The following TRHDE variants were observed in gnomAD, a reference collection of about 807,000 sequenced individuals.
TRHDE encodes the protein thyrotropin releasing hormone degrading enzyme.
Under a neutral mutation model 125.7 loss-of-function variants are expected in TRHDE, and 72 were observed. That is an observed-to-expected ratio of 0.57 (90% CI 0.47 to 0.70). The LOEUF (loss-of-function observed/expected upper bound fraction) is 0.70, where lower values mean the gene tolerates loss of function less well. TRHDE is among the 30% of genes least tolerant of loss of function. The pLI, the probability that TRHDE is intolerant of heterozygous loss-of-function variation, is 0.00. For synonymous variants in TRHDE, 509 were observed against 509.1 expected, an observed-to-expected ratio of 1.00 and a Z score of 0.00; for missense variants, 1,110 against 1,327.1, an observed-to-expected ratio of 0.84 and a Z score of 2.54.
At chr12:72,421,361 T>G (rs182253006) in intron 3 of TRHDE, among the ~76,000 whole-genome samples, 77 of 152,252 alleles carry the variant, frequency 5.1e-4, no homozygotes, top group Middle Eastern at 6.8e-3. Context: ...CAGCAGGACT[T>G]GAAGCCTGAG....
chr12:72,350,716 T>G (rs1433793768), intron 2 of TRHDE, among the ~76,000 whole-genome samples: 1 of 152,032 alleles, frequency 6.6e-6, no homozygotes, highest in Non-Finnish European at 1.5e-5. Context: ...TACAGATATA[T>G]TCTAAAGATT....
At chr12:72,286,327 C>G (rs572688964) in intron 1 of TRHDE, among the ~76,000 whole-genome samples, 1 of 152,306 alleles carries the variant, frequency 6.6e-6, no homozygotes, top group East Asian at 1.9e-4. Context: ...TGTGCAGCTT[C>G]AGAGAAGAAA....
At chr12:72,509,359 G>A (rs565853393) in intron 6 of TRHDE, among the ~76,000 whole-genome samples, 7 of 151,558 alleles carry the variant, frequency 4.6e-5, no homozygotes, top group Non-Finnish European at 1.0e-4. Context: ...ATTCTCCCCA[G>A]GTACTTATAG....
intron 2 of TRHDE, among the ~76,000 whole-genome samples, chr12:72,216,596 T>A (rs1265974969): frequency 1.3e-5 from 2 of 152,136 alleles, no homozygotes; most frequent in African/African-American, 4.8e-5. Flanking sequence ...AATATGCACC[T>A]TAAAGAGAAA....
At chr12:72,326,988 T>C (rs1042233999) in intron 2 of TRHDE, among the ~76,000 whole-genome samples, 1 of 152,206 alleles carries the variant, frequency 6.6e-6, no homozygotes, top group Admixed American at 6.5e-5. Flanking sequence ...TCTTTGATTT[T>C]ATGATTCTAT....
chr12:72,604,344 G>T (rs1872340342), intron 12 of TRHDE, among the ~76,000 whole-genome samples: 1 of 152,044 alleles, frequency 6.6e-6, no homozygotes, highest in South Asian at 2.1e-4. Flanking sequence ...AGTCCTAGGG[G>T]ATGTGCCAGT....
chr12:72,451,095 T>C (rs1875548116), intron 3 of TRHDE, among the ~76,000 whole-genome samples: 1 of 152,202 alleles, frequency 6.6e-6, no homozygotes, highest in African/African-American at 2.4e-5. Flanking sequence ...GTTGATTGTT[T>C]CCTTTGCTGC....
intron 7 of TRHDE, among the ~76,000 whole-genome samples, chr12:72,561,005 A>G (rs1870150505): frequency 6.6e-6 from 1 of 152,168 alleles, no homozygotes; most frequent in African/African-American, 2.4e-5. Flanking sequence ...TTCAAAGCCA[A>G]ATTAGGATTC....
intron 1 of TRHDE, among the ~76,000 whole-genome samples, chr12:72,094,209 C>A (rs1257513189): frequency 2.6e-5 from 4 of 152,192 alleles, no homozygotes; most frequent in African/African-American, 4.8e-5. Flanking sequence ...CCACAGATGA[C>A]ACCAGGTGCA....
At chr12:72,366,666 C>T (rs1482760978) in intron 2 of TRHDE, among the ~76,000 whole-genome samples, 1 of 151,918 alleles carries the variant, frequency 6.6e-6, no homozygotes, top group Non-Finnish European at 1.5e-5. Context: ...AGCCTATAAA[C>T]CTACAAAATA....
intron 6 of TRHDE, among the ~76,000 whole-genome samples, chr12:72,506,366 A>C (rs1014023370): frequency 1.3e-5 from 2 of 152,272 alleles, no homozygotes; most frequent in East Asian, 3.9e-4. Flanking sequence ...CCAATAGAAG[A>C]CATAAAACAC....
rs1337362107 is a variant in TRHDE at position 72,655,887 on chromosome 12, G to A, written c.2985-1040G>A. 4.6e-5 allele frequency among the ~76,000 whole-genome samples: 7 copies of A among 152,148 alleles called. No homozygotes were observed. In the South Asian group the frequency reaches 1.0e-3, roughly 23 times the overall value. ...CTTTTTTTCTGTGGAATAGTTCAAT[G>A]TCAGAATTACAACAAATCTCAGTGG... On this transcript the variant is annotated intron_variant, in intron 17 of 18. Coordinates refer to ENST00000261180, the MANE Select transcript of TRHDE (RefSeq NM_013381.3).
At chr12:72,409,966 G>GA (rs1298196248) in intron 3 of TRHDE, among the ~76,000 whole-genome samples, 1 of 151,186 alleles carries the variant, frequency 6.6e-6, no homozygotes, top group East Asian at 1.9e-4. Context: ...TATCAAAAAA[G>GA]AAGTTATCAA....
At chr12:72,516,848 G>C (rs952806419) in intron 6 of TRHDE, among the ~76,000 whole-genome samples, 3 of 152,050 alleles carry the variant, frequency 2.0e-5, no homozygotes, top group Non-Finnish European at 4.4e-5. Context: ...AGAGTTTTTA[G>C]CATGAAGCGT....
intron 12 of TRHDE, among the ~76,000 whole-genome samples, chr12:72,597,717 A>G (rs1382639375): frequency 0.02 from 74 of 3,672 alleles, 1 homozygote; most frequent in Middle Eastern, 0.071. Flanking sequence ...GTGTATGTAT[A>G]TATATATATA....
chr12:72,158,871 T>G (rs1272611126), intron 2 of TRHDE, among the ~76,000 whole-genome samples: 2 of 152,192 alleles, frequency 1.3e-5, no homozygotes, highest in Non-Finnish European at 2.9e-5. Flanking sequence ...TTATTCACCA[T>G]TCCTTGAATT....
intron 5 of TRHDE, among the ~76,000 whole-genome samples, chr12:72,487,846 A>G (rs1877483543): frequency 6.6e-6 from 1 of 152,166 alleles, no homozygotes; most frequent in African/African-American, 2.4e-5. Flanking sequence ...AACACACAAT[A>G]TAAAAGATGT....
In TRHDE at chr12:72,564,653, A is replaced by ATTTTTTTTTTTTTTTTTTT. The variant is rs538823843; in HGVS notation, c.2042+1627_2042+1645dup. On this transcript the variant is annotated intron_variant, in intron 9 of 18. Coordinates refer to ENST00000261180, the MANE Select transcript of TRHDE (RefSeq NM_013381.3). ...TGGAATTATAAAATCATGCGTATGA[A>ATTTTTTTTTTTTTTTTTTT]TTTTTTTTTTTTTTTTTTTTTTTTT... Among the ~76,000 whole-genome samples the ATTTTTTTTTTTTTTTTTTT allele has an allele frequency of 3.3e-4, 18 of 54,316 alleles. 4 individuals carry two copies. Among genetic ancestry groups the ATTTTTTTTTTTTTTTTTTT allele is most frequent in the East Asian group, 6.3e-4 (1 of 1,594 alleles). The allele number at this position is 54,316 out of a possible 152,430, so 35.6% of individuals were successfully genotyped here. A position where few individuals can be genotyped will look rare whatever the true frequency, so the allele number is the denominator to read the frequency against.
intron 5 of TRHDE, among the ~76,000 whole-genome samples, chr12:72,484,605 T>C (rs754391063): frequency 2.6e-5 from 4 of 152,146 alleles, no homozygotes; most frequent in African/African-American, 4.8e-5. Context: ...AATTATGAAA[T>C]GAATGTTAAC....
Sources: gnomAD v4.1 joint callset for allele counts (sites outside exome capture counted in the v4.1 genomes callset) on GRCh38, gnomAD v4.1.1 for gene constraint, MANE v1.5 for transcripts, NCBI Gene and HGNC (gene_info 2026-07-23, HGNC 2026-07-21) for gene names.